The following FGF12 variants were observed in gnomAD, a reference collection of about 807,000 sequenced individuals.
FGF12 encodes the protein fibroblast growth factor 12, also known as fibroblast growth factor 12B.
Under a neutral mutation model 23.6 loss-of-function variants are expected in FGF12, and 14 were observed. The ratio of observed to expected loss-of-function variants is 0.59; its 90% CI spans 0.39 to 0.93. The LOEUF (loss-of-function observed/expected upper bound fraction) is 0.93. Ranked by LOEUF, FGF12 falls within the 40% of genes least tolerant of loss-of-function variation. The pLI, the probability that FGF12 is intolerant of heterozygous loss-of-function variation, is 0.00. For synonymous variants in FGF12, 62 were observed against 77.3 expected (o/e 0.80, Z 1.04); for missense variants, 175 against 217.8 (o/e 0.80, Z 1.24).
chr3:192,268,346 T>C (rs1296113210), intron 4 of FGF12, among the ~76,000 whole-genome samples: 4 of 152,176 alleles, frequency 2.6e-5, no homozygotes, highest in Non-Finnish European at 5.9e-5. Context: ...GAACTCTAGA[T>C]GTGGGTTTTC....
chr3:192,520,461 T>G (rs1374659201), intron 2 of FGF12, among the ~76,000 whole-genome samples: 1 of 152,140 alleles, frequency 6.6e-6, no homozygotes, highest in African/African-American at 2.4e-5. Context: ...AGTACAGTAT[T>G]TATGTACACT....
At chr3:192,359,256 C>G (rs1172462290) in intron 3 of FGF12, among the ~76,000 whole-genome samples, 1 of 152,144 alleles carries the variant, frequency 6.6e-6, no homozygotes, top group Non-Finnish European at 1.5e-5. Flanking sequence ...GTAATATTAA[C>G]TGAACAAAGA....
Position 192,158,367 on chromosome 3 carries a change from T to TTTCTTTC in FGF12, c.427+12084_427+12090dup, listed in dbSNP as rs1553844107. The stretch of plus-strand genomic sequence containing the variant: ...CTTTCTTTCTTTCTTTCTTTCTTTC[T>TTTCTTTC]TTCTTTCTTTCTTTCTTTTCTTTCT... On this transcript the variant is annotated intron_variant, in intron 5 of 5. Transcript: ENST00000445105. Among the ~76,000 whole-genome samples, 294 of 122,548 alleles carry TTTCTTTC rather than the reference T, an allele frequency of 2.4e-3. 2 individuals are homozygous for TTTCTTTC. Among genetic ancestry groups the TTTCTTTC allele is most frequent in the African/African-American group, 6.8e-3 (213 of 31,446 alleles). 80.4% of individuals were successfully genotyped at this position (122,548 alleles called of 152,430 possible). A position where few individuals can be genotyped will look rare whatever the true frequency, so the allele number is the denominator to read the frequency against.
intron 2 of FGF12, among the ~76,000 whole-genome samples, chr3:192,646,667 C>T (rs78777669): frequency 2.0e-5 from 3 of 151,926 alleles, no homozygotes; most frequent in African/African-American, 7.3e-5. Context: ...GTAGGCAAAT[C>T]GTTAGAGACA....
intron 2 of FGF12, among the ~76,000 whole-genome samples, chr3:192,448,371 A>G (rs968485312): frequency 2.1e-4 from 32 of 152,212 alleles, no homozygotes; most frequent in African/African-American, 7.7e-4. Context: ...ACCAACTCTA[A>G]ATCAATTTCT....
At chr3:192,590,572 G>A (rs1025130884) in intron 2 of FGF12, among the ~76,000 whole-genome samples, 8 of 151,842 alleles carry the variant, frequency 5.3e-5, no homozygotes, top group African/African-American at 1.7e-4. Context: ...CCCCATAGAA[G>A]TCAAGTGCTG....
intron 3 of FGF12, among the ~76,000 whole-genome samples, chr3:192,359,543 A>C (rs1718625293): frequency 6.6e-6 from 1 of 152,194 alleles, no homozygotes; most frequent in Admixed American, 6.5e-5. Flanking sequence ...ATGGCACCAT[A>C]CATAATTTTA....
intron 2 of FGF12, among the ~76,000 whole-genome samples, chr3:192,457,911 C>T (rs2108805350): frequency 6.6e-6 from 1 of 152,264 alleles, no homozygotes; most frequent in East Asian, 1.9e-4. Flanking sequence ...GGCCCAGGGT[C>T]CCTGTGCTGT....
intron 2 of FGF12, among the ~76,000 whole-genome samples, chr3:192,375,757 GTTTA>G (rs1188595768): frequency 6.6e-6 from 1 of 151,484 alleles, no homozygotes; most frequent in Non-Finnish European, 1.5e-5. Flanking sequence ...CATTACATTT[GTTTA>G]TTTATTTCTC....
At chr3:192,160,105 A>T (rs2108602888) in intron 5 of FGF12, among the ~76,000 whole-genome samples, 1 of 152,220 alleles carries the variant, frequency 6.6e-6, no homozygotes, top group South Asian at 2.1e-4. Context: ...TATCAGGTCT[A>T]CCTTCAAAAT....
chr3:192,169,611 G>A (rs1715426965), intron 5 of FGF12, among the ~76,000 whole-genome samples: 1 of 152,082 alleles, frequency 6.6e-6, no homozygotes, highest in South Asian at 2.1e-4. Flanking sequence ...AAGCCACAGA[G>A]TTGCAATGCA....
chr3:192,443,527 A>G (rs1722266753), intron 2 of FGF12, among the ~76,000 whole-genome samples: 1 of 152,266 alleles, frequency 6.6e-6, no homozygotes, highest in Admixed American at 6.5e-5. Flanking sequence ...CTTTCAGGCC[A>G]TTGAAGATTT....
intron 2 of FGF12, among the ~76,000 whole-genome samples, chr3:192,570,232 G>A (rs111911072): frequency 4.6e-5 from 7 of 152,276 alleles, no homozygotes; most frequent in East Asian, 1.9e-4. Flanking sequence ...TTTTCCATGG[G>A]GGGGAGGGCC....
intron 2 of FGF12, among the ~76,000 whole-genome samples, chr3:192,481,233 G>C (rs1387727084): frequency 6.6e-6 from 1 of 151,942 alleles, no homozygotes; most frequent in African/African-American, 2.4e-5. Context: ...TTCATGTAAG[G>C]GTACGTTGAT....
intron 2 of FGF12, among the ~76,000 whole-genome samples, chr3:192,680,510 G>A (rs1717488896): frequency 6.6e-6 from 1 of 152,130 alleles, no homozygotes; most frequent in South Asian, 2.1e-4. Flanking sequence ...TCATCACATG[G>A]TGAAAGCCAA....
intron 4 of FGF12, among the ~76,000 whole-genome samples, chr3:192,288,401 C>T (rs1279956246): frequency 6.6e-6 from 1 of 152,006 alleles, no homozygotes; most frequent in Admixed American, 6.6e-5. Flanking sequence ...TATCTATTCT[C>T]CCGAAGGATT....
intron 4 of FGF12, among the ~76,000 whole-genome samples, chr3:192,258,302 A>G (rs1250528483): frequency 2.0e-5 from 3 of 152,132 alleles, no homozygotes; most frequent in Non-Finnish European, 4.4e-5. Flanking sequence ...TACTAGAAAT[A>G]CAAACATTAG....
chr3:192,562,998 G>A (rs73058599), intron 2 of FGF12, among the ~76,000 whole-genome samples: 10,171 of 152,162 alleles, frequency 0.067, 866 homozygotes, highest in African/African-American at 0.2. Flanking sequence ...TATGACCAGG[G>A]TAATAAGGAC....
At chr3:192,248,346 A>C (rs1711767441) in intron 4 of FGF12, among the ~76,000 whole-genome samples, 1 of 152,190 alleles carries the variant, frequency 6.6e-6, no homozygotes, top group Non-Finnish European at 1.5e-5. Flanking sequence ...CATATTCTCC[A>C]TGCAGCTGCT....
Sources: gnomAD v4.1 joint callset for allele counts (sites outside exome capture counted in the v4.1 genomes callset) on GRCh38, gnomAD v4.1.1 for gene constraint, MANE v1.5 for transcripts, NCBI Gene and HGNC (gene_info 2026-07-23, HGNC 2026-07-21) for gene names.